The following CADM2 variants were observed in gnomAD, a reference collection of about 807,000 sequenced individuals.
The protein encoded by CADM2 is cell adhesion molecule 2.
In CADM2, 12 loss-of-function variants were observed where a neutral mutation model predicts 49.8. The observed-to-expected ratio is 0.24, with a 90% confidence interval of 0.15 to 0.39. The LOEUF is 0.39. Among genes scored for constraint, CADM2 ranks in the 10% least tolerant of loss-of-function variants. CADM2 has a pLI of 1.00. For missense variants in CADM2, 378 were observed against 492.3 expected (o/e 0.77, Z 2.20); for synonymous variants, 214 against 175.4 (o/e 1.22, Z -1.74).
intron 6 of CADM2, among the ~76,000 whole-genome samples, chr3:85,935,297 A>G (rs780362396): frequency 2.0e-5 from 3 of 152,160 alleles, no homozygotes; most frequent in Non-Finnish European, 2.9e-5. Flanking sequence ...AAGATTCTGC[A>G]TAATACTTGT....
chr3:85,851,653 G>C (rs973380344), intron 3 of CADM2, among the ~76,000 whole-genome samples: 3 of 148,618 alleles, frequency 2.0e-5, no homozygotes, highest in African/African-American at 7.5e-5. Flanking sequence ...AGATACTATA[G>C]TGTGTATGTT....
intron 1 of CADM2, among the ~76,000 whole-genome samples, chr3:85,294,422 A>G (rs1184925183): frequency 2.0e-5 from 3 of 151,808 alleles, no homozygotes; most frequent in African/African-American, 7.3e-5. Context: ...CTTTCTTCAC[A>G]GAATTGGAAA....
chr3:85,955,672 C>G (rs1723966754), intron 7 of CADM2, among the ~76,000 whole-genome samples: 1 of 151,438 alleles, frequency 6.6e-6, no homozygotes, highest in African/African-American at 2.4e-5. Context: ...AGGTTTGTAT[C>G]TGGTTCAAAA....
intron 1 of CADM2, among the ~76,000 whole-genome samples, chr3:85,576,355 T>C (rs1421105419): frequency 6.6e-6 from 1 of 152,122 alleles, no homozygotes; most frequent in African/African-American, 2.4e-5. Flanking sequence ...CACAAAGTGA[T>C]CTCATTTGAG....
At chr3:84,967,456 G>T (rs1015428664) in intron 1 of CADM2, among the ~76,000 whole-genome samples, 1 of 152,132 alleles carries the variant, frequency 6.6e-6, no homozygotes, top group Non-Finnish European at 1.5e-5. Flanking sequence ...ATCTGGAGTT[G>T]TAGGCTTAAG....
intron 1 of CADM2, among the ~76,000 whole-genome samples, chr3:85,342,921 C>G (rs2030071508): frequency 6.6e-6 from 1 of 152,148 alleles, no homozygotes; most frequent in Non-Finnish European, 1.5e-5. Flanking sequence ...ACAAACTGAA[C>G]TTCACATTAT....
intron 1 of CADM2, among the ~76,000 whole-genome samples, chr3:85,517,162 T>G (rs2106875344): frequency 6.6e-6 from 1 of 151,990 alleles, no homozygotes; most frequent in Non-Finnish European, 1.5e-5. Flanking sequence ...AAAATAAAAT[T>G]ATTATTGTGT....
chr3:86,013,452 C>T (rs1483717476), intron 8 of CADM2: 2 of 1,588,488 alleles, frequency 1.3e-6, no homozygotes, highest in South Asian at 1.1e-5. Context: ...TCAAGCACTG[C>T]TGGAGTGCCA....
At chr3:85,014,690 T>A (rs926517066) in intron 1 of CADM2, among the ~76,000 whole-genome samples, 2 of 152,206 alleles carry the variant, frequency 1.3e-5, no homozygotes, top group Non-Finnish European at 2.9e-5. Flanking sequence ...TATAGTCATC[T>A]CAAAGCTCAA....
intron 1 of CADM2, among the ~76,000 whole-genome samples, chr3:85,435,508 T>G (rs1240237755): frequency 6.6e-6 from 1 of 152,182 alleles, no homozygotes; most frequent in African/African-American, 2.4e-5. Context: ...GTAGAATGAT[T>G]TATAATCCTT....
At chr3:86,052,589 G>T (rs9824878) in intron 8 of CADM2, among the ~76,000 whole-genome samples, 29,776 of 151,868 alleles carry the variant, frequency 0.2, 3,070 homozygotes, top group East Asian at 0.27. Flanking sequence ...AATGATGTAG[G>T]ACAAAATTTT....
chr3:85,739,408 T>A (rs1348515823), intron 2 of CADM2, among the ~76,000 whole-genome samples: 1 of 152,102 alleles, frequency 6.6e-6, no homozygotes, highest in African/African-American at 2.4e-5. Flanking sequence ...TATTAAAGTT[T>A]AAACAAATTA....
chr3:85,688,882 C>T (rs1342606694), intron 1 of CADM2, among the ~76,000 whole-genome samples: 1 of 152,064 alleles, frequency 6.6e-6, no homozygotes, highest in Non-Finnish European at 1.5e-5. Context: ...TTCACAGTTT[C>T]TTAAAAAATA....
intron 7 of CADM2, among the ~76,000 whole-genome samples, chr3:85,959,560 G>T (rs941941862): frequency 4.0e-5 from 6 of 151,752 alleles, no homozygotes; most frequent in African/African-American, 9.7e-5. Context: ...ATGCCCAAGG[G>T]ACTTAGAAGC....
At chr3:85,315,308 G>A (rs917309832) in intron 1 of CADM2, among the ~76,000 whole-genome samples, 16 of 152,042 alleles carry the variant, frequency 1.1e-4, no homozygotes, top group African/African-American at 3.9e-4. Flanking sequence ...TCCATCACAC[G>A]TTAGTATGAC....
At chr3:85,744,721 AG>A (rs1310884266) in intron 2 of CADM2, among the ~76,000 whole-genome samples, 3 of 151,978 alleles carry the variant, frequency 2.0e-5, no homozygotes, top group African/African-American at 7.2e-5. Context: ...TTAAGGAGCA[AG>A]GGGTCTGGAA....
chr3:86,013,098 A>G, intron 8 of CADM2: 4 of 1,338,440 alleles, frequency 3.0e-6, no homozygotes, highest in Non-Finnish European at 4.3e-6. Flanking sequence ...AATACCAACA[A>G]TATTTGATCT....
chr3:85,107,697 C>T (rs1488500080), intron 1 of CADM2, among the ~76,000 whole-genome samples: 1 of 91,774 alleles, frequency 1.1e-5, no homozygotes, highest in Non-Finnish European at 2.2e-5. Context: ...TTCTTTCTTT[C>T]TCTTTCTTTT....
intron 1 of CADM2, among the ~76,000 whole-genome samples, chr3:85,411,055 G>A (rs751085033): frequency 1.3e-5 from 2 of 152,170 alleles, no homozygotes; most frequent in Non-Finnish European, 2.9e-5. Context: ...TTTGACTAGT[G>A]CACTCTGAAG....
Sources: allele counts gnomAD v4.1 joint callset (sites outside exome capture counted in the v4.1 genomes callset), GRCh38; gene constraint gnomAD v4.1.1; transcripts MANE v1.5; gene names NCBI Gene and HGNC (gene_info 2026-07-23, HGNC 2026-07-21).